Variants in ENPP2 observed in about 807,000 individuals in gnomAD.
ENPP2 encodes the protein autotaxin.
In ENPP2, 51 loss-of-function variants were observed where a neutral mutation model predicts 120.2. The ratio of observed to expected loss-of-function variants is 0.42; its 90% CI spans 0.34 to 0.54. The LOEUF (loss-of-function observed/expected upper bound fraction) is 0.54, where lower values mean the gene tolerates loss of function less well. Ranked by LOEUF, ENPP2 falls within the 20% of genes least tolerant of loss-of-function variation. The pLI is 0.04. For missense variants in ENPP2, 920 were observed against 1,066.5 expected (o/e 0.86, Z 1.91); for synonymous variants, 365 against 366.4 (o/e 1.00, Z 0.04).
At chr8:119,582,813 A>C (rs1812841424) in intron 17 of ENPP2, among the ~76,000 whole-genome samples, 1 of 152,166 alleles carries the variant, frequency 6.6e-6, no homozygotes, top group Non-Finnish European at 1.5e-5. Flanking sequence ...TGAAATACCC[A>C]AGTTCATTGC....
At chr8:119,673,336 C>G (rs80218503) in exon 1 of ENPP2, 11 of 1,529,674 alleles carry the variant, frequency 7.2e-6, no homozygotes, top group South Asian at 4.8e-5. Flanking sequence ...GCTGCAGCCC[C>G]GCGACCTGGG....
chr8:119,664,786 C>CA (rs1818023201), intron 1 of ENPP2, among the ~76,000 whole-genome samples: 1 of 152,170 alleles, frequency 6.6e-6, no homozygotes, highest in Middle Eastern at 3.4e-3. Flanking sequence ...ACTAAAAATA[C>CA]AAAAAATAGC....
intron 2 of ENPP2, among the ~76,000 whole-genome samples, chr8:119,635,920 C>T (rs757870494): frequency 6.6e-6 from 1 of 152,208 alleles, no homozygotes; most frequent in Non-Finnish European, 1.5e-5. Flanking sequence ...GTGTACAGAA[C>T]ATTCTCAGCT....
At chr8:119,564,058 G>C (rs1316055393) in intron 23 of ENPP2, among the ~76,000 whole-genome samples, 1 of 151,456 alleles carries the variant, frequency 6.6e-6, no homozygotes, top group Non-Finnish European at 1.5e-5. Context: ...TTCTCCACTA[G>C]ACTGTGGGGT....
chr8:119,614,341 G>A (rs192612958), intron 8 of ENPP2, among the ~76,000 whole-genome samples: 1 of 151,830 alleles, frequency 6.6e-6, no homozygotes, highest in Admixed American at 6.6e-5. Flanking sequence ...CTGAGCCATC[G>A]CACATGAGCC....
At chr8:119,583,206 AC>A (rs1459396754) in intron 17 of ENPP2, among the ~76,000 whole-genome samples, 1 of 152,188 alleles carries the variant, frequency 6.6e-6, no homozygotes, top group Non-Finnish European at 1.5e-5. Flanking sequence ...TGGGAAAAGA[AC>A]CCAGGAGACC....
chr8:119,566,482 A>C (rs1414596313), intron 22 of ENPP2, among the ~76,000 whole-genome samples: 1 of 152,186 alleles, frequency 6.6e-6, no homozygotes, highest in Non-Finnish European at 1.5e-5. Flanking sequence ...ACCTTAGATA[A>C]TTATTTGCAG....
In ENPP2 at chr8:119,617,191, G is replaced by A. The variant is rs1293516223; in HGVS notation, c.630C>T (p.Thr210=). ...PYMRPVYPTK[T]FPNLYTLATG... ...TGGCCAAAGTGTATAAGTTAGGAAA[G>A]GTTTTAGTTGGGTACACCGGCCTCA... The change falls in exon 7 of 25, where the codon ACC becomes ACT. Residue 210 remains threonine (T), a synonymous_variant. Coordinates refer to ENST00000075322, the MANE Select transcript of ENPP2 (RefSeq NM_001040092.3). 1.2e-6 allele frequency: 2 copies of A among 1,613,250 alleles called. No individual in the cohort carries two copies. Among genetic ancestry groups the A allele is most frequent in the Middle Eastern group, 1.6e-4 (1 of 6,082 alleles).
intron 1 of ENPP2, among the ~76,000 whole-genome samples, chr8:119,645,415 T>A (rs935766259): frequency 2.0e-5 from 3 of 152,204 alleles, no homozygotes; most frequent in African/African-American, 7.2e-5. Flanking sequence ...AGATTCTAGT[T>A]AATAATGACA....
chr8:119,638,466 C>T lies in ENPP2; in HGVS notation c.95G>A (p.Arg32Gln), dbSNP rs746442526. The change falls in exon 2 of 25, where the codon CGA becomes CAA. Residue 32 changes from arginine to glutamine, a missense_variant. By Grantham distance (43) the Arg-to-Gln change is conservative. Transcript: ENST00000075322. ...CTCCCATCCTTCTGCTCTCTTAATT[C>T]GATGTGCAGTGAATCCTAAGCAGAT... ...VNICLGFTAH[R>Q]IKRAEGWEEG... 1.2e-6 allele frequency: 2 copies of T among 1,609,942 alleles called. No individual in the cohort carries two copies. The highest frequency in any genetic ancestry group is 1.1e-5 in the South Asian group (1 of 90,990).
At chr8:119,633,953 C>A (rs557440164) in intron 2 of ENPP2, among the ~76,000 whole-genome samples, 1 of 150,938 alleles carries the variant, frequency 6.6e-6, no homozygotes, top group African/African-American at 2.5e-5. Flanking sequence ...GAGGCTGAGG[C>A]GAGTGGATCA....
At chr8:119,673,241 G>C in intron 1 of ENPP2, 1 of 1,532,830 alleles carries the variant, frequency 6.5e-7, no homozygotes, top group Non-Finnish European at 8.7e-7. Context: ...AGAGAGAGGC[G>C]CATACCGTAC....
intron 12 of ENPP2, among the ~76,000 whole-genome samples, chr8:119,590,970 G>A (rs904825133): frequency 4.3e-4 from 51 of 119,094 alleles, no homozygotes; most frequent in Admixed American, 1.0e-3. Flanking sequence ...TATTGACAGA[G>A]TCTTTATGAA....
chr8:119,668,275 T>C (rs1002560333), intron 1 of ENPP2, among the ~76,000 whole-genome samples: 4 of 152,194 alleles, frequency 2.6e-5, no homozygotes, highest in Non-Finnish European at 4.4e-5. Context: ...GGTGCTCAAA[T>C]AATAATAGCC....
intron 19 of ENPP2, among the ~76,000 whole-genome samples, chr8:119,577,593 T>A (rs1351836873): frequency 6.6e-6 from 1 of 152,248 alleles, no homozygotes; most frequent in African/African-American, 2.4e-5. Context: ...AGGAAATGCA[T>A]TGCACATAAT....
chr8:119,581,838 C>A (rs1812765363), intron 18 of ENPP2, among the ~76,000 whole-genome samples: 1 of 150,936 alleles, frequency 6.6e-6, no homozygotes, highest in Non-Finnish European at 1.5e-5. Context: ...CGGCTCACTG[C>A]AACCTCTGCC....
upstream of ENPP2, among the ~76,000 whole-genome samples, chr8:119,643,157 G>T (rs1008542217): frequency 6.6e-6 from 1 of 152,162 alleles, no homozygotes; most frequent in Non-Finnish European, 1.5e-5. Flanking sequence ...TATCTTAAAA[G>T]TCTGTTGTCC....
intron 20 of ENPP2, among the ~76,000 whole-genome samples, chr8:119,569,701 A>G (rs1814792854): frequency 6.6e-6 from 1 of 151,502 alleles, no homozygotes; most frequent in South Asian, 2.1e-4. Context: ...TAACACTCTT[A>G]CAAACAATAT....
At chr8:119,670,632 C>A (rs1818213167) in intron 1 of ENPP2, among the ~76,000 whole-genome samples, 1 of 152,132 alleles carries the variant, frequency 6.6e-6, no homozygotes, top group Non-Finnish European at 1.5e-5. Context: ...GGCCACCTAA[C>A]CCATTAGGAA....
Sources: allele counts gnomAD v4.1 joint callset (sites outside exome capture counted in the v4.1 genomes callset), GRCh38; gene constraint gnomAD v4.1.1; transcripts MANE v1.5; gene names NCBI Gene and HGNC (gene_info 2026-07-23, HGNC 2026-07-21).